RELN: variants seen among roughly 807,000 people sequenced by gnomAD.
RELN encodes the protein reelin.
RELN carries 108 observed loss-of-function variants against 427.6 expected under a neutral mutation model. The observed-to-expected ratio is 0.25, with a 90% CI of 0.22 to 0.30. The LOEUF is 0.30. RELN is among the 10% of genes least tolerant of loss of function. RELN has a pLI of 1.00. For synonymous variants in RELN, 1,524 were observed against 1,513.4 expected (o/e 1.01, Z -0.16); for missense variants, 3,715 against 4,302.8 (o/e 0.86, Z 3.82).
intron 40 of RELN, among the ~76,000 whole-genome samples, chr7:103,552,463 T>C (rs1830434465): frequency 6.6e-6 from 1 of 151,824 alleles, no homozygotes; most frequent in Non-Finnish European, 1.5e-5. Context: ...TGACATTTGA[T>C]AAACTTTCGA....
intron 18 of RELN, 111 bp from the exon 19 acceptor site, chr7:103,635,697 A>G: frequency 1.2e-6 from 1 of 844,998 alleles, no homozygotes; most frequent in Non-Finnish European, 1.9e-6. Flanking sequence ...CTCTTTTACA[A>G]AATGTTAAGT....
At chr7:103,878,851 T>C (rs1794543675) in intron 2 of RELN, among the ~76,000 whole-genome samples, 1 of 152,220 alleles carries the variant, frequency 6.6e-6, no homozygotes, top group Admixed American at 6.5e-5. Flanking sequence ...CTAACCCAGA[T>C]TGATTTTCCA....
intron 6 of RELN, among the ~76,000 whole-genome samples, chr7:103,728,861 A>T (rs1790280908): frequency 6.6e-6 from 1 of 152,154 alleles, no homozygotes; most frequent in African/African-American, 2.4e-5. Flanking sequence ...TATACACACA[A>T]ATTCTAATTC....
At chr7:103,565,786 A>AT (rs1307955115) in intron 33 of RELN, among the ~76,000 whole-genome samples, 1 of 152,200 alleles carries the variant, frequency 6.6e-6, no homozygotes, top group African/African-American at 2.4e-5. Flanking sequence ...GGGCTAACAT[A>AT]TTATCTTTAA....
Position 103,603,560 on chromosome 7 carries a change from A to G in RELN, c.3147-70T>C, listed in dbSNP as rs992175631. ...CCAATGCAATGGCCCTCTGACCTCA[A>G]CCATTTCCCATGTCTTACTTTTGCT... is the stretch of plus-strand genomic sequence containing the variant. On this transcript the variant is annotated intron_variant, in intron 23 of 64. Transcript: ENST00000428762. This position sits in a 1 kb window ranked among gnomAD's most constrained non-coding sequence, Gnocchi z 4.3. 9 of 1,144,388 alleles carry G rather than the reference A, an allele frequency of 7.9e-6. No individual in the cohort carries two copies. In the African/African-American group the frequency reaches 9.1e-5, roughly 12 times the overall value. 70.9% of individuals were successfully genotyped at this position (1,144,388 alleles called of 1,614,324 possible).
In RELN at chr7:103,813,985, A is replaced by G. The variant is rs117256783; in HGVS notation, c.473+19552T>C. Among the ~76,000 whole-genome samples the G allele has an allele frequency of 9.4e-4, 143 of 152,234 alleles. 1 individual carries two copies. The East Asian group carries it at 0.025, about 26-fold the overall frequency. Reference sequence around the variant, plus strand: ...GACCCCACATGACGGTATTTTTAAGAGTTTATTTTCTCATTTTCTTTCTCT... The same window carrying G: ...GACCCCACATGACGGTATTTTTAAGGGTTTATTTTCTCATTTTCTTTCTCT... On this transcript the variant is annotated intron_variant, in intron 3 of 64. Coordinates refer to ENST00000428762, the MANE Select transcript of RELN (RefSeq NM_005045.4).
intron 1 of RELN, among the ~76,000 whole-genome samples, chr7:103,922,320 A>G (rs940269128): frequency 1.3e-5 from 2 of 152,130 alleles, no homozygotes; most frequent in Non-Finnish European, 2.9e-5. Context: ...CTTTTCTTTT[A>G]TATATCTGTA....
At chr7:103,674,352 T>C (rs578056656) in intron 11 of RELN, among the ~76,000 whole-genome samples, 3 of 152,342 alleles carry the variant, frequency 2.0e-5, no homozygotes, top group Non-Finnish European at 2.9e-5. Flanking sequence ...AATCTGTTAC[T>C]TCCTTTTACT....
At chr7:103,650,164 T>C (rs1832883941) in intron 16 of RELN, 110 bp downstream of exon 16, 1 of 771,926 alleles carries the variant, frequency 1.3e-6, no homozygotes. Flanking sequence ...GGGTGTTTAA[T>C]GAATTGCAAG....
At chr7:103,859,324 C>T (rs905511082) in intron 2 of RELN, among the ~76,000 whole-genome samples, 2 of 152,040 alleles carry the variant, frequency 1.3e-5, no homozygotes, top group Non-Finnish European at 2.9e-5. Flanking sequence ...GACAGAGTCT[C>T]ACTCTGTTGC....
chr7:103,594,029 T>G (rs1831481833), intron 26 of RELN, 147 bp from the exon 27 acceptor site: 2 of 720,646 alleles, frequency 2.8e-6, no homozygotes, highest in African/African-American at 3.6e-5. Context: ...TTACTGCTAT[T>G]AACTTTTTCT....
chr7:103,936,763 C>G (rs62487056), intron 1 of RELN, among the ~76,000 whole-genome samples: 35,798 of 149,752 alleles, frequency 0.24, 5,314 homozygotes, highest in Non-Finnish European at 0.34. Context: ...CACACACACA[C>G]ACACACACAC....
Position 103,496,700 on chromosome 7 carries a change from G to A in RELN, c.9019C>T (p.Leu3007Phe), listed in dbSNP as rs752135641. ...KYISVRHDYI[L>F]LPEDALTNTT... is the part of the protein sequence containing the mutation. ...TTGGTGAGGGCATCTTCAGGAAGAA[G>A]TATGTAGTCGTGTCTAACAGAAATG... Residue 3007 changes from leucine to phenylalanine, a missense_variant, in exon 56 of 65, where the codon CTT becomes TTT. This residue lies in a region of RELN where 1,310 missense variants were observed against 1,643.0 expected (regional missense o/e 0.80). Coordinates refer to ENST00000428762, the MANE Select transcript of RELN (RefSeq NM_005045.4). The A allele has an allele frequency of 1.9e-6, 3 of 1,614,158 alleles. No homozygotes were observed. Among genetic ancestry groups the A allele is most frequent in the Middle Eastern group, 1.7e-4 (1 of 6,060 alleles).
chr7:103,556,352 G>A (rs1830519941), intron 38 of RELN, among the ~76,000 whole-genome samples: 1 of 151,810 alleles, frequency 6.6e-6, no homozygotes, highest in Non-Finnish European at 1.5e-5. Context: ...AAAATCTTTA[G>A]CTCTGTAACA....
rs1392148000 is a variant in RELN at position 103,953,938 on chromosome 7, A to C, written c.226+35193T>G. ...CAGAGCAAGACTCCATCTCAAAAAA[A>C]CAAAACAAACAACAATAACAACAAA... On this transcript the variant is annotated intron_variant, in intron 1 of 64. Coordinates refer to ENST00000428762, the MANE Select transcript of RELN (RefSeq NM_005045.4). This position sits in a 1 kb window ranked among gnomAD's most constrained non-coding sequence, Gnocchi z 4.3. 1.3e-5 allele frequency among the ~76,000 whole-genome samples: 2 copies of C among 152,054 alleles called. No individual in the cohort carries two copies. Among genetic ancestry groups the C allele is most frequent in the Non-Finnish European group, 2.9e-5 (2 of 67,996 alleles).
chr7:103,530,002 C>T (rs1829905275), intron 46 of RELN, among the ~76,000 whole-genome samples: 1 of 152,070 alleles, frequency 6.6e-6, no homozygotes, highest in African/African-American at 2.4e-5. Context: ...ATTTCTGCTC[C>T]TTCTGCTATT....
chr7:103,543,613 C>T (rs1040119039), intron 42 of RELN, among the ~76,000 whole-genome samples: 11 of 151,986 alleles, frequency 7.2e-5, no homozygotes, highest in African/African-American at 2.7e-4. Flanking sequence ...TGCCACTTCA[C>T]TCCGGCCTGG....
chr7:103,917,861 C>A (rs1253665529), intron 1 of RELN, among the ~76,000 whole-genome samples: 1 of 152,126 alleles, frequency 6.6e-6, no homozygotes, highest in South Asian at 2.1e-4. Flanking sequence ...GTATGCTACT[C>A]AGGCTTGGCT....
intron 8 of RELN, among the ~76,000 whole-genome samples, chr7:103,704,372 A>C (rs1834156105): frequency 6.6e-6 from 1 of 152,216 alleles, no homozygotes. Flanking sequence ...CATTCTTATT[A>C]GGTTAACAAT....
Sources: gnomAD v4.1 joint callset for allele counts (sites outside exome capture counted in the v4.1 genomes callset) on GRCh38, gnomAD v4.1.1 for gene constraint, gnomAD v4.1.1 regional missense constraint, Gnocchi (gnomAD v3.1) non-coding constraint, MANE v1.5 for transcripts, NCBI Gene and HGNC (gene_info 2026-07-23, HGNC 2026-07-21) for gene names.